Variants in DHRSX observed in about 807,000 individuals in gnomAD.
DHRSX encodes polyprenol dehydrogenase.
In DHRSX, 31 loss-of-function variants were observed where a neutral mutation model predicts 34.0. The observed-to-expected ratio is 0.91, with a 90% CI of 0.69 to 1.23. The LOEUF is 1.23. Among genes scored for constraint, DHRSX ranks in the 50% most tolerant of loss-of-function variants. DHRSX has a pLI of 0.00. For missense variants in DHRSX, 414 were observed against 428.1 expected (o/e 0.97, Z 0.29); for synonymous variants, 201 against 183.8 (o/e 1.09, Z -0.76).
chrX:2,243,093 G>A lies in DHRSX; in HGVS notation c.734C>T (p.Thr245Met). ...CCAGAACACGTGCTTGTAGACGTCC[G>A]TGTTGACCACCCCGGGGTCCACCAC... ...ANVVDPGVVN[T>M]DVYKHVFWAT... The change falls in exon 6 of 7, where the codon ACG (threonine) becomes ATG (methionine). Residue 245 changes from threonine to methionine, a missense_variant. By Grantham distance (81) the Thr-to-Met change is moderately conservative. Coordinates refer to ENST00000334651, the MANE Select transcript of DHRSX (RefSeq NM_145177.3). 4 of 1,613,882 alleles carry A rather than the reference G, an allele frequency of 2.5e-6. No homozygotes were observed. Among genetic ancestry groups the A allele is most frequent in the Non-Finnish European group, 2.5e-6 (3 of 1,179,834 alleles).
At chrX:2,229,741 A>G (rs2015823718) in intron 6 of DHRSX, among the ~76,000 whole-genome samples, 1 of 151,912 alleles carries the variant, frequency 6.6e-6, no homozygotes, top group South Asian at 2.1e-4. Flanking sequence ...GTGTTTGGAT[A>G]AATATATGTG....
chrX:2,223,653 G>A (rs755124968), intron 6 of DHRSX, among the ~76,000 whole-genome samples: 2 of 152,302 alleles, frequency 1.3e-5, no homozygotes, highest in African/African-American at 2.4e-5. Flanking sequence ...CAGGGGCCAA[G>A]TGAAGGCACC....
chrX:2,482,069 G>A (rs964725051), intron 1 of DHRSX, among the ~76,000 whole-genome samples: 15 of 149,952 alleles, frequency 1.0e-4, no homozygotes, highest in Non-Finnish European at 4.4e-5. Context: ...GGGCTCAAGC[G>A]ATCCTTCAGC....
chrX:2,358,950 GAAA>G (rs57856874), intron 3 of DHRSX, among the ~76,000 whole-genome samples: 16 of 124,530 alleles, frequency 1.3e-4, no homozygotes, highest in African/African-American at 3.9e-4. Flanking sequence ...CTCTGTCTCG[GAAA>G]AAAAAAAAAA....
At chrX:2,489,794 C>T (rs747835481) in intron 1 of DHRSX, 2 of 1,613,476 alleles carry the variant, frequency 1.2e-6, no homozygotes, top group South Asian at 2.2e-5. Context: ...CAGCAGCGCC[C>T]CCAGCTTCGG....
intron 3 of DHRSX, among the ~76,000 whole-genome samples, chrX:2,321,897 C>G (rs1371332430): frequency 6.6e-6 from 1 of 152,064 alleles, no homozygotes; most frequent in Non-Finnish European, 1.5e-5. Context: ...TCATGACGAT[C>G]CACTCCCACT....
chrX:2,311,254 GAGAA>G (rs2042162430), intron 3 of DHRSX, among the ~76,000 whole-genome samples: 4 of 152,024 alleles, frequency 2.6e-5, no homozygotes, highest in South Asian at 2.1e-4. Flanking sequence ...CATACAGAGA[GAGAA>G]AGAGAGAGAT....
chrX:2,429,175 T>G (rs1325417050), intron 1 of DHRSX, among the ~76,000 whole-genome samples: 1 of 152,116 alleles, frequency 6.6e-6, no homozygotes, highest in Non-Finnish European at 1.5e-5. Flanking sequence ...CTGAGGGACT[T>G]GCAAATACTA....
At chrX:2,237,108 C>A (rs2016034698) in intron 6 of DHRSX, among the ~76,000 whole-genome samples, 1 of 152,050 alleles carries the variant, frequency 6.6e-6, no homozygotes, top group Admixed American at 6.6e-5. Context: ...ATTGCTTGAA[C>A]CCAGGAGGCG....
chrX:2,327,413 G>C (rs1344758280), intron 3 of DHRSX, among the ~76,000 whole-genome samples: 5 of 152,200 alleles, frequency 3.3e-5, no homozygotes, highest in African/African-American at 9.6e-5. Context: ...ATAAACCCAA[G>C]AATAAAGCCA....
At chrX:2,236,224 A>G (rs1303931294) in intron 6 of DHRSX, among the ~76,000 whole-genome samples, 1 of 152,214 alleles carries the variant, frequency 6.6e-6, no homozygotes, top group Admixed American at 6.5e-5. Flanking sequence ...TGACCCATAA[A>G]GACAAACAAA....
chrX:2,335,210 T>C (rs2042540644), intron 3 of DHRSX, among the ~76,000 whole-genome samples: 2 of 151,274 alleles, frequency 1.3e-5, no homozygotes, highest in Non-Finnish European at 2.9e-5. Flanking sequence ...GAAAAATTTA[T>C]TTTGCCACAG....
chrX:2,392,591 T>C (rs1196244418), intron 3 of DHRSX: 1 of 165,326 alleles, frequency 6.0e-6, no homozygotes, highest in African/African-American at 2.4e-5. Flanking sequence ...ATTTATATTA[T>C]ATATTATGAT....
intron 3 of DHRSX, among the ~76,000 whole-genome samples, chrX:2,301,960 C>T (rs2042016203): frequency 6.6e-6 from 1 of 152,172 alleles, no homozygotes; most frequent in South Asian, 2.1e-4. Context: ...ATGACATACT[C>T]AGACCAACCC....
intron 4 of DHRSX, among the ~76,000 whole-genome samples, chrX:2,282,465 A>C (rs2041718972): frequency 6.7e-6 from 1 of 148,834 alleles, no homozygotes; most frequent in South Asian, 2.2e-4. Context: ...GAAGGAGGAA[A>C]GAGAGAGAAG....
intron 3 of DHRSX, among the ~76,000 whole-genome samples, chrX:2,304,339 T>TGGATG (rs2042074665): frequency 8.5e-6 from 1 of 117,954 alleles, no homozygotes; most frequent in Non-Finnish European, 1.8e-5. Flanking sequence ...ATGGATGAAC[T>TGGATG]GATGGATGGA....
rs372478978 is a variant in DHRSX, at chrX:2,254,506, G to C, written c.597-11276C>G. 6.6e-5 allele frequency among the ~76,000 whole-genome samples: 10 copies of C among 152,210 alleles called. No homozygotes were observed. The East Asian group carries it at 1.2e-3, about 18-fold the overall frequency. On this transcript the variant is annotated intron_variant, in intron 5 of 6. Transcript: ENST00000334651. The stretch of plus-strand genomic sequence containing the variant: ...CATGTCTAAATTGAATTTTCCCTTT[G>C]GCAGTACAAACAACTCCATTACATT...
chrX:2,269,322 C>G (rs924426615), intron 4 of DHRSX, among the ~76,000 whole-genome samples: 2 of 152,074 alleles, frequency 1.3e-5, no homozygotes, highest in Non-Finnish European at 2.9e-5. Context: ...TACATGTATA[C>G]ATGCATCTGC....
chrX:2,294,709 A>G (rs937731307), intron 3 of DHRSX, among the ~76,000 whole-genome samples: 1 of 151,474 alleles, frequency 6.6e-6, no homozygotes, highest in Non-Finnish European at 1.5e-5. Context: ...AGAGAGCGTG[A>G]CAAACACTGA....
Sources: gnomAD v4.1 joint callset for allele counts (sites outside exome capture counted in the v4.1 genomes callset) on GRCh38, gnomAD v4.1.1 for gene constraint, MANE v1.5 for transcripts, NCBI Gene and HGNC (gene_info 2026-07-23, HGNC 2026-07-21) for gene names.